The following TTC28 variants were observed in gnomAD, a reference collection of about 807,000 sequenced individuals.
TTC28 encodes tetratricopeptide repeat domain 28, also known as tetratricopeptide repeat protein 28.
TTC28 carries 61 observed loss-of-function variants against 198.0 expected under a neutral mutation model. That is an observed-to-expected ratio of 0.31 (90% CI 0.25 to 0.38). TTC28 has a LOEUF of 0.38. TTC28 is among the 10% of genes least tolerant of loss of function. The pLI is 1.00. For synonymous variants in TTC28, 1,171 were observed against 1,297.8 expected (o/e 0.90, Z 2.10); for missense variants, 2,678 against 3,164.0 (o/e 0.85, Z 3.69).
rs996251876 is a variant in TTC28 at position 28,626,884 on chromosome 22, T to C, written c.381+2668A>G. ...TAAAAGGGTGATTATTTTTTGTCTATAATAATAAAAGTACACTTTTTAAAA... is the reference window on the plus strand; with the variant it reads ...TAAAAGGGTGATTATTTTTTGTCTACAATAATAAAAGTACACTTTTTAAAA... On this transcript the variant is annotated intron_variant, in intron 2 of 22. Transcript: ENST00000397906. 2.6e-5 allele frequency among the ~76,000 whole-genome samples: 4 copies of C among 152,022 alleles called. 1 individual carries two copies. The highest frequency in any genetic ancestry group is 2.6e-4 in the Admixed American group (4 of 15,274).
chr22:28,283,348 A>ACC (rs1317824990), intron 5 of TTC28, among the ~76,000 whole-genome samples: 7 of 151,542 alleles, frequency 4.6e-5, no homozygotes, highest in East Asian at 1.9e-4. Context: ...ACACACACAC[A>ACC]CCACAAGCCT....
At chr22:28,657,011 T>C (rs1353932332) in intron 1 of TTC28, among the ~76,000 whole-genome samples, 2 of 152,186 alleles carry the variant, frequency 1.3e-5, no homozygotes, top group Admixed American at 1.3e-4. Context: ...TTTATTATGC[T>C]ACACACACAC....
At chr22:28,557,477 A>G (rs980710530) in intron 2 of TTC28, among the ~76,000 whole-genome samples, 18 of 152,200 alleles carry the variant, frequency 1.2e-4, no homozygotes, top group Admixed American at 2.6e-4. Context: ...TCCAACAACT[A>G]CATTTTTCAT....
chr22:28,229,226 A>C (rs1928611185), intron 5 of TTC28, among the ~76,000 whole-genome samples: 1 of 152,214 alleles, frequency 6.6e-6, no homozygotes. Flanking sequence ...GGGAAAAAGT[A>C]AGCTAATTTT....
intron 6 of TTC28, among the ~76,000 whole-genome samples, chr22:28,151,372 C>A (rs1022224641): frequency 6.6e-6 from 1 of 152,184 alleles, no homozygotes; most frequent in Non-Finnish European, 1.5e-5. Context: ...GACCTGGCAG[C>A]GAGCAGCTAC....
intron 5 of TTC28, among the ~76,000 whole-genome samples, chr22:28,238,310 T>A (rs1250427925): frequency 6.6e-6 from 1 of 152,202 alleles, no homozygotes; most frequent in African/African-American, 2.4e-5. Context: ...TTTCTACTGA[T>A]GCATCTTTAG....
chr22:28,535,925 C>T (rs899969396), intron 2 of TTC28, among the ~76,000 whole-genome samples: 1 of 151,966 alleles, frequency 6.6e-6, no homozygotes, highest in Non-Finnish European at 1.5e-5. Flanking sequence ...AAAAAAAAGA[C>T]CTAGGCCAGG....
chr22:28,108,721 T>C (rs746458172), intron 6 of TTC28, among the ~76,000 whole-genome samples: 3 of 152,228 alleles, frequency 2.0e-5, no homozygotes, highest in Non-Finnish European at 4.4e-5. Flanking sequence ...CAATAGCCAT[T>C]GCGTATAAAG....
At chr22:28,018,423 G>T (rs1268098644) in intron 13 of TTC28, among the ~76,000 whole-genome samples, 1 of 152,092 alleles carries the variant, frequency 6.6e-6, no homozygotes, top group Non-Finnish European at 1.5e-5. Flanking sequence ...ACCTGCAACC[G>T]TGATTTGAGG....
At chr22:28,661,596 T>C (rs1039688291) in intron 1 of TTC28, among the ~76,000 whole-genome samples, 7 of 151,952 alleles carry the variant, frequency 4.6e-5, no homozygotes, top group South Asian at 2.1e-4. Flanking sequence ...ATTTGACTGA[T>C]TGATAGACAG....
intron 12 of TTC28, among the ~76,000 whole-genome samples, chr22:28,056,609 C>CTTTT (rs1315376753): frequency 1.1e-3 from 30 of 26,158 alleles, no homozygotes; most frequent in Admixed American, 7.7e-3. Flanking sequence ...AGCCATAATA[C>CTTTT]ATTTATGGTT....
intron 20 of TTC28, among the ~76,000 whole-genome samples, chr22:27,990,477 TCTC>T (rs1336455600): frequency 4.6e-5 from 7 of 152,188 alleles, no homozygotes; most frequent in Non-Finnish European, 1.0e-4. Flanking sequence ...GTCTGTGGCC[TCTC>T]CTCAGGGGTC....
At chr22:28,062,334 T>G (rs543953231) in intron 12 of TTC28, among the ~76,000 whole-genome samples, 6 of 152,044 alleles carry the variant, frequency 3.9e-5, no homozygotes, top group Non-Finnish European at 7.4e-5. Context: ...GTGCTGGGAC[T>G]ACAGGCATGA....
chr22:28,058,667 T>G (rs4312589), intron 12 of TTC28, among the ~76,000 whole-genome samples: 61,038 of 151,776 alleles, frequency 0.4, 12,780 homozygotes, highest in East Asian at 0.51. Context: ...CTCTTCTATT[T>G]TCAGCAGTTT....
chr22:28,660,834 T>A (rs766479420), intron 1 of TTC28, among the ~76,000 whole-genome samples: 13 of 151,686 alleles, frequency 8.6e-5, no homozygotes, highest in South Asian at 2.1e-4. Flanking sequence ...AATTTTTGTA[T>A]TTTTAGTAGA....
At chr22:28,069,500 T>C (rs534224432) in intron 12 of TTC28, among the ~76,000 whole-genome samples, 13 of 152,308 alleles carry the variant, frequency 8.5e-5, no homozygotes, top group Admixed American at 1.3e-4. Context: ...GAGAATTAAC[T>C]TGGCATCACA....
intron 2 of TTC28, among the ~76,000 whole-genome samples, chr22:28,319,641 A>T (rs547330129): frequency 1.3e-5 from 2 of 152,344 alleles, no homozygotes; most frequent in Non-Finnish European, 2.9e-5. Flanking sequence ...TGCTCTAAAA[A>T]TAAAGCTTAT....
intron 2 of TTC28, among the ~76,000 whole-genome samples, chr22:28,343,619 G>GT (rs2045865753): frequency 6.6e-6 from 1 of 151,924 alleles, no homozygotes; most frequent in Non-Finnish European, 1.5e-5. Context: ...TGGAGCACAA[G>GT]TAAGTCCTTT....
At chr22:28,146,190 T>C (rs1310741460) in intron 6 of TTC28, among the ~76,000 whole-genome samples, 1 of 152,222 alleles carries the variant, frequency 6.6e-6, no homozygotes, top group African/African-American at 2.4e-5. Context: ...ACAGGCTTCT[T>C]GGTAATCAAA....
Sources: gnomAD v4.1 joint callset for allele counts (sites outside exome capture counted in the v4.1 genomes callset) on GRCh38, gnomAD v4.1.1 for gene constraint, MANE v1.5 for transcripts, NCBI Gene and HGNC (gene_info 2026-07-23, HGNC 2026-07-21) for gene names.